Variants in ITFG1 observed in about 807,000 individuals in gnomAD.
ITFG1 encodes T-cell immunomodulatory protein.
ITFG1 carries 34 observed loss-of-function variants against 81.8 expected under a neutral mutation model. The ratio of observed to expected loss-of-function variants is 0.42; its 90% CI spans 0.32 to 0.55. The LOEUF (loss-of-function observed/expected upper bound fraction) is 0.55. ITFG1 is among the 20% of genes least tolerant of loss of function. The pLI, the probability that ITFG1 is intolerant of heterozygous loss-of-function variation, is 0.17. For synonymous variants in ITFG1, 285 were observed against 270.6 expected, an observed-to-expected ratio of 1.05 and a Z score of -0.52; for missense variants, 672 against 755.4, an observed-to-expected ratio of 0.89 and a Z score of 1.29.
At chr16:47,423,251 A>ATTTTTTTTTT (rs748793229) in intron 6 of ITFG1, among the ~76,000 whole-genome samples, 1 of 118,306 alleles carries the variant, frequency 8.5e-6, no homozygotes, top group East Asian at 2.5e-4. Flanking sequence ...GCAATCCCTG[A>ATTTTTTTTTT]TTTTTTTTTT....
intron 8 of ITFG1, among the ~76,000 whole-genome samples, chr16:47,353,878 T>C (rs1442274087): frequency 6.6e-6 from 1 of 152,120 alleles, no homozygotes; most frequent in East Asian, 1.9e-4. Context: ...ATGAAAGAAA[T>C]TGAATCAGAT....
At chr16:47,325,903 G>T (rs1967531747) in intron 8 of ITFG1, among the ~76,000 whole-genome samples, 1 of 152,118 alleles carries the variant, frequency 6.6e-6, no homozygotes, top group African/African-American at 2.4e-5. Flanking sequence ...GTACAAGGAG[G>T]AGCTGGTACC....
intron 12 of ITFG1, among the ~76,000 whole-genome samples, chr16:47,246,980 C>T (rs903316072): frequency 1.3e-5 from 2 of 152,054 alleles, no homozygotes; most frequent in Non-Finnish European, 2.9e-5. Flanking sequence ...GATGGGGTTT[C>T]ACCATGTTGA....
intron 6 of ITFG1, among the ~76,000 whole-genome samples, 197 bp from the exon 7 acceptor site, chr16:47,376,137 G>A (rs1169358196): frequency 6.6e-6 from 1 of 151,358 alleles, no homozygotes; most frequent in African/African-American, 2.4e-5. Flanking sequence ...TATTTAACGA[G>A]GATATTTGGT....
chr16:47,344,253 T>C (rs548914256), intron 8 of ITFG1, among the ~76,000 whole-genome samples: 2 of 152,342 alleles, frequency 1.3e-5, no homozygotes, highest in South Asian at 4.1e-4. Context: ...TTAAAAATGG[T>C]TAAAATGGCA....
chr16:47,358,212 T>C (rs1406605563), intron 8 of ITFG1, among the ~76,000 whole-genome samples: 1 of 152,204 alleles, frequency 6.6e-6, no homozygotes, highest in Non-Finnish European at 1.5e-5. Context: ...TCTAATAGCA[T>C]TGTCCTTTTT....
chr16:47,184,219 G>A (rs977612943), intron 14 of ITFG1, among the ~76,000 whole-genome samples: 1 of 152,212 alleles, frequency 6.6e-6, no homozygotes, highest in Non-Finnish European at 1.5e-5. Flanking sequence ...ATATTATCCA[G>A]GAGAACTTCC....
intron 14 of ITFG1, among the ~76,000 whole-genome samples, chr16:47,193,103 T>C (rs1181701429): frequency 1.3e-5 from 2 of 152,104 alleles, no homozygotes; most frequent in Non-Finnish European, 2.9e-5. Context: ...TCTTTTTTTT[T>C]GGTGAGGATA....
chr16:47,269,325 A>G (rs139121429), intron 10 of ITFG1, among the ~76,000 whole-genome samples: 2 of 152,174 alleles, frequency 1.3e-5, no homozygotes, highest in African/African-American at 4.8e-5. Flanking sequence ...TATAAATACA[A>G]TAGTCAAGAA....
intron 13 of ITFG1, among the ~76,000 whole-genome samples, chr16:47,230,508 C>A (rs1214566882): frequency 1.3e-5 from 2 of 152,058 alleles, no homozygotes; most frequent in Non-Finnish European, 2.9e-5. Context: ...CATATGTATA[C>A]ATGTACAGAT....
intron 6 of ITFG1, among the ~76,000 whole-genome samples, chr16:47,409,687 G>A (rs1968785424): frequency 6.6e-6 from 1 of 150,880 alleles, no homozygotes; most frequent in Admixed American, 6.6e-5. Context: ...AAAGTTCTGG[G>A]ATTACAGGCG....
At position 47,311,275 on chromosome 16, in the gene ITFG1, T is replaced by A; in HGVS notation, c.1035A>T (p.Pro345=). The part of the protein sequence containing the change: ...HIGDYNMDGY[P]DALVILKNTS... ...TGTTCTTTAGTATGACCAGAGCGTCTGGATAGCCATCCATATTGTAGTCTC... is the reference window on the plus strand; with the variant it reads ...TGTTCTTTAGTATGACCAGAGCGTCAGGATAGCCATCCATATTGTAGTCTC... The change falls in exon 10 of 18, where the codon CCA becomes CCT. Residue 345 remains proline (P), a synonymous_variant. Coordinates refer to ENST00000320640, the MANE Select transcript of ITFG1 (RefSeq NM_030790.5). 4 of 1,612,772 alleles carry A rather than the reference T, an allele frequency of 2.5e-6. No homozygotes were observed. The highest frequency in any genetic ancestry group is 3.4e-6 in the Non-Finnish European group (4 of 1,179,206).
At chr16:47,254,380 A>ATATTAT (rs371724043) in intron 12 of ITFG1, among the ~76,000 whole-genome samples, 23 of 150,986 alleles carry the variant, frequency 1.5e-4, no homozygotes, top group South Asian at 6.3e-4. Context: ...TCTCTTTAGC[A>ATATTAT]TATTATTATT....
intron 8 of ITFG1, among the ~76,000 whole-genome samples, chr16:47,321,581 T>C (rs1443266344): frequency 6.6e-6 from 1 of 152,128 alleles, no homozygotes; most frequent in Admixed American, 6.5e-5. Flanking sequence ...TCCAGCTACT[T>C]GAGAGGCCAA....
chr16:47,197,590 TC>T (rs1392697579), intron 14 of ITFG1, among the ~76,000 whole-genome samples: 2 of 152,226 alleles, frequency 1.3e-5, no homozygotes, highest in Non-Finnish European at 2.9e-5. Context: ...CTGAGAATGT[TC>T]CCCGGGCCAT....
intron 14 of ITFG1, among the ~76,000 whole-genome samples, chr16:47,190,493 G>T (rs750099365): frequency 1.3e-5 from 2 of 152,196 alleles, no homozygotes; most frequent in Non-Finnish European, 1.5e-5. Context: ...AGCAAAGTCA[G>T]TTCTTTCATG....
At chr16:47,176,029 C>G (rs544791854) in intron 14 of ITFG1, among the ~76,000 whole-genome samples, 49 of 152,306 alleles carry the variant, frequency 3.2e-4, no homozygotes, top group African/African-American at 1.2e-3. Flanking sequence ...ATGCAGTTCT[C>G]TGGGGAATGA....
intron 14 of ITFG1, among the ~76,000 whole-genome samples, chr16:47,191,795 G>T (rs776081462): frequency 6.6e-6 from 1 of 152,134 alleles, no homozygotes; most frequent in Non-Finnish European, 1.5e-5. Flanking sequence ...GATTACAGGC[G>T]TGAGCCACCG....
At chr16:47,392,535 T>C (rs1012688773) in intron 6 of ITFG1, among the ~76,000 whole-genome samples, 4 of 152,180 alleles carry the variant, frequency 2.6e-5, no homozygotes, top group Non-Finnish European at 5.9e-5. Context: ...TTTTACACAT[T>C]ATGGTATAGA....
Sources: gnomAD v4.1 joint callset for allele counts (sites outside exome capture counted in the v4.1 genomes callset) on GRCh38, gnomAD v4.1.1 for gene constraint, MANE v1.5 for transcripts, NCBI Gene and HGNC (gene_info 2026-07-23, HGNC 2026-07-21) for gene names.